MACF1: variants seen among roughly 807,000 people sequenced by gnomAD.
The protein encoded by MACF1 is microtubule actin crosslinking factor 1.
Under a neutral mutation model 854.8 loss-of-function variants are expected in MACF1, and 193 were observed. The observed-to-expected ratio is 0.23, with a 90% CI of 0.20 to 0.25. The LOEUF (loss-of-function observed/expected upper bound fraction) is 0.25. MACF1 is among the 10% of genes least tolerant of loss of function. MACF1 has a pLI of 1.00. For synonymous variants in MACF1, 3,185 were observed against 3,226.7 expected, an observed-to-expected ratio of 0.99 and a Z score of 0.44; for missense variants, 7,722 against 8,929.1, an observed-to-expected ratio of 0.86 and a Z score of 5.45.
chr1:39,142,002 C>T (rs946349837), intron 2 of MACF1, among the ~76,000 whole-genome samples: 3 of 152,190 alleles, frequency 2.0e-5, no homozygotes, highest in Non-Finnish European at 4.4e-5. Context: ...TCCCATTTCT[C>T]TTTCTTAGAG....
intron 5 of MACF1, among the ~76,000 whole-genome samples, chr1:39,256,302 A>C (rs1645095480): frequency 6.6e-6 from 1 of 152,164 alleles, no homozygotes; most frequent in African/African-American, 2.4e-5. Context: ...TGGTACTGGT[A>C]ACCCACCAAC....
rs751457343 is a variant in MACF1, at chr1:39,347,026, C to G, written c.10631C>G (p.Ala3544Gly). ...AGGAAAGCTCAGCTGGATGCTCTTG[C>G]TTTTGATATTCAGTTCTTTATCTCA... ...AERKAQLDAL[A>G]FDIQFFISEH... The change falls in exon 41 of 101, where the codon GCT (alanine) becomes GGT (glycine). Residue 3544 changes from alanine (A) to glycine (G), a missense_variant. Ala to Gly is a moderately conservative substitution (Grantham distance 60, BLOSUM62 0). Around this residue, in one of 15 missense-constraint regions of MACF1, gnomAD observed 854 missense variants for 852.6 expected, o/e 1.00. Transcript: ENST00000564288. 2.5e-6 allele frequency: 4 copies of G among 1,613,976 alleles called. No individual in the cohort carries two copies. The East Asian group carries it at 8.9e-5, about 36-fold the overall frequency.
At chr1:39,222,459 C>T (rs543076403) in intron 1 of MACF1, among the ~76,000 whole-genome samples, 8 of 152,252 alleles carry the variant, frequency 5.3e-5, no homozygotes, top group East Asian at 3.9e-4. Flanking sequence ...AATCCTTTGA[C>T]TCCTTTTTGG....
Position 39,334,508 on chromosome 1 carries a change from T to G in MACF1, c.7920T>G (p.Ile2640Met). The G allele has an allele frequency of 6.2e-7, 1 of 1,614,142 alleles. No individual in the cohort carries two copies. Among genetic ancestry groups the G allele is most frequent in the Non-Finnish European group, 8.5e-7 (1 of 1,180,000 alleles). The part of the protein sequence containing the change: ...SELVKKCKID[I>M]ESGQRYLEVI... Reference sequence around the variant, plus strand: ...TAGTCAAGAAATGTAAGATTGATATTGAATCTGGACAGAGATATCTAGAAG... The same window carrying G: ...TAGTCAAGAAATGTAAGATTGATATGGAATCTGGACAGAGATATCTAGAAG... Residue 2640 changes from isoleucine to methionine, a missense_variant, in exon 37 of 101, where the codon ATT (isoleucine) becomes ATG (methionine). Transcript: ENST00000564288.
rs1225465963 is a variant in MACF1, at chr1:39,205,144, T to C, written c.109+13T>C. ...AGAGGTAGAGCAGGTAACTAACTGGTACCCAGTTATTCTTTAAATCTACTG... is the reference window on the plus strand; with the variant it reads ...AGAGGTAGAGCAGGTAACTAACTGGCACCCAGTTATTCTTTAAATCTACTG... On this transcript the variant is annotated intron_variant, in intron 1 of 100. Coordinates refer to ENST00000564288, the MANE Select transcript of MACF1 (RefSeq NM_001394062.1). The C allele has an allele frequency of 2.8e-6, 2 of 703,008 alleles. No individual in the cohort carries two copies. Among genetic ancestry groups the C allele is most frequent in the East Asian group, 5.4e-5 (2 of 37,288 alleles). The allele number at this position is 703,008 out of a possible 1,614,324, so 43.5% of individuals were successfully genotyped here.
intron 89 of MACF1, 122 bp from the exon 90 acceptor site, chr1:39,458,248 A>C: frequency 1.2e-6 from 1 of 851,268 alleles, no homozygotes; most frequent in Non-Finnish European, 1.8e-6. Flanking sequence ...CTCAGGCACC[A>C]GCCTCCACAC....
Position 39,293,484 on chromosome 1 carries a change from C to A in MACF1, c.2019C>A (p.His673Gln). 6.2e-7 allele frequency: 1 copy of A among 1,613,432 alleles called. No homozygotes were observed. The highest frequency in any genetic ancestry group is 8.5e-7 in the Non-Finnish European group (1 of 1,179,548). Reference protein sequence around the residue: ...LKETSSFRMRHLQSLHKFVSR... With the variant: ...LKETSSFRMRQLQSLHKFVSR... ...AAACTTCTAGCTTCCGGATGAGGCA[C>A]CTTCAGAGCCTGCATAAATTTGTTT... is the stretch of plus-strand genomic sequence containing the variant. The change falls in exon 18 of 101, where the codon CAC becomes CAA. Residue 673 changes from histidine (H) to glutamine (Q), a missense_variant. Transcript: ENST00000564288.
Position 39,332,913 on chromosome 1 carries a change from T to C in MACF1, c.6325T>C (p.Leu2109=), listed in dbSNP as rs1296916052. Residue 2109 remains leucine, a synonymous_variant, in exon 37 of 101, where the codon TTG becomes CTG. Coordinates refer to ENST00000564288, the MANE Select transcript of MACF1 (RefSeq NM_001394062.1). ...NKVKLEVQRQ[L]IGTQREDQTA... ...AGTCAAATTAGAGGTACAAAGGCAGTTGATAGGTACCCAAAGGGAAGACCA... is the reference window on the plus strand; with the variant it reads ...AGTCAAATTAGAGGTACAAAGGCAGCTGATAGGTACCCAAAGGGAAGACCA... The C allele has an allele frequency of 6.2e-7, 1 of 1,614,066 alleles. No homozygotes were observed. The highest frequency in any genetic ancestry group is 1.6e-4 in the Middle Eastern group (1 of 6,062).
Position 39,348,617 on chromosome 1 carries a change from G to A in MACF1, c.10816-861G>A, listed in dbSNP as rs561208857. ...GCCCTTCTATTTGTCCTAAAGAGGG[G>A]GAGAGAGGGCCAATTTGGGCACCTG... On this transcript the variant is annotated intron_variant, in intron 41 of 100. Coordinates refer to ENST00000564288, the MANE Select transcript of MACF1 (RefSeq NM_001394062.1). Among the ~76,000 whole-genome samples the A allele has an allele frequency of 2.0e-5, 3 of 152,242 alleles. No individual in the cohort carries two copies. In the East Asian group the frequency reaches 5.8e-4, roughly 29 times the overall value.
intron 42 of MACF1, among the ~76,000 whole-genome samples, chr1:39,349,832 G>C (rs1309520793): frequency 2.6e-5 from 4 of 152,150 alleles, no homozygotes; most frequent in Non-Finnish European, 5.9e-5. Context: ...GTATCACTAT[G>C]TTGCCAAAGC....
At chr1:39,273,880 G>A (rs765188328) in intron 6 of MACF1, among the ~76,000 whole-genome samples, 3 of 152,166 alleles carry the variant, frequency 2.0e-5, no homozygotes, top group Non-Finnish European at 4.4e-5. Context: ...GTGAGCCACC[G>A]CGCCCAGCCT....
At chr1:39,359,675 A>G (rs1647894584) in intron 47 of MACF1, among the ~76,000 whole-genome samples, 1 of 152,018 alleles carries the variant, frequency 6.6e-6, no homozygotes, top group African/African-American at 2.4e-5. Flanking sequence ...GTTAATAACA[A>G]TATATCGTAT....
rs199850991 is a variant in MACF1 at position 39,437,948 on chromosome 1, C to T, written c.18160C>T (p.Arg6054Cys). Reference sequence around the variant, plus strand: ...GCAGCCATCCTTTGAGGCCTTGAAGCGCCGTGGAGAGGAGCTTATTGGACG... The same window carrying T: ...GCAGCCATCCTTTGAGGCCTTGAAGTGCCGTGGAGAGGAGCTTATTGGACG... ...KLQPSFEALK[R>C]RGEELIGRSQ... is the part of the protein sequence containing the mutation. Residue 6054 changes from arginine to cysteine, a missense_variant, in exon 71 of 101, where the codon CGC (arginine) becomes TGC (cysteine). Coordinates refer to ENST00000564288, the MANE Select transcript of MACF1 (RefSeq NM_001394062.1). 1.5e-5 allele frequency: 24 copies of T among 1,614,052 alleles called. No individual in the cohort carries two copies. The East Asian group carries it at 2.9e-4, about 19-fold the overall frequency.
chr1:39,346,975 A>G lies in MACF1; in HGVS notation c.10582-2A>G, dbSNP rs761508347. On this transcript the variant is annotated splice_acceptor_variant, in intron 40 of 100. Transcript: ENST00000564288. LOFTEE classifies it high-confidence loss of function. ...TTTGTTTCCTTTTTCCATTTACCTT[A>G]GGATTTGAAACAGCCCATGGCTGAA... is the stretch of plus-strand genomic sequence containing the variant. 6.3e-7 allele frequency: 1 copy of G among 1,592,294 alleles called. No homozygotes were observed. The highest frequency in any genetic ancestry group is 8.6e-7 in the Non-Finnish European group (1 of 1,168,434).
intron 35 of MACF1, among the ~76,000 whole-genome samples, chr1:39,326,095 G>A (rs1454613399): frequency 6.6e-6 from 1 of 152,156 alleles, no homozygotes; most frequent in Non-Finnish European, 1.5e-5. Flanking sequence ...TCAAGAATAT[G>A]GATTGTGGGG....
intron 2 of MACF1, among the ~76,000 whole-genome samples, chr1:39,232,746 G>GTTTTTTTTTTTTTTTTTTTTTTTTT (rs10712180): frequency 7.0e-5 from 9 of 128,482 alleles, no homozygotes; most frequent in Non-Finnish European, 1.2e-4. Flanking sequence ...TACTCTCTTT[G>GTTTTTTTTTTTTTTTTTTTTTTTTT]TTTTTTTTTT....
chr1:39,278,866 G>C (rs576035404), intron 6 of MACF1, among the ~76,000 whole-genome samples: 1 of 152,102 alleles, frequency 6.6e-6, no homozygotes, highest in Non-Finnish European at 1.5e-5. Context: ...CCAGCCCCAG[G>C]TAGATCTGGA....
At chr1:39,439,095 A>G (rs986683511) in intron 71 of MACF1, among the ~76,000 whole-genome samples, 179 bp from the exon 72 acceptor site, 5 of 151,986 alleles carry the variant, frequency 3.3e-5, no homozygotes, top group African/African-American at 1.2e-4. Context: ...AAAAAAAAAA[A>G]AAAGAAAAAG....
intron 23 of MACF1, among the ~76,000 whole-genome samples, chr1:39,306,800 C>T (rs1315747318): frequency 6.6e-6 from 1 of 151,192 alleles, no homozygotes; most frequent in South Asian, 2.1e-4. Context: ...TTTTTGAAAC[C>T]TCTTATATCT....
Sources: allele counts gnomAD v4.1 joint callset (sites outside exome capture counted in the v4.1 genomes callset), GRCh38; gene constraint gnomAD v4.1.1; regional missense constraint gnomAD v4.1.1; transcripts MANE v1.5; gene names NCBI Gene and HGNC (gene_info 2026-07-23, HGNC 2026-07-21).